The following MRPS31 variants were observed in gnomAD, a reference collection of about 807,000 sequenced individuals.
The protein encoded by MRPS31 is mitochondrial ribosomal protein S31.
MRPS31 carries 32 observed loss-of-function variants against 43.1 expected under a neutral mutation model. The observed-to-expected ratio is 0.74, with a 90% CI of 0.56 to 1.00. The LOEUF (loss-of-function observed/expected upper bound fraction) is 1.00, where lower values mean the gene tolerates loss of function less well. Ranked by LOEUF, MRPS31 falls within the 50% of genes least tolerant of loss-of-function variation. MRPS31 has a pLI of 0.00. For missense variants in MRPS31, 437 were observed against 466.7 expected, an observed-to-expected ratio of 0.94 and a Z score of 0.59; for synonymous variants, 165 against 161.6, an observed-to-expected ratio of 1.02 and a Z score of -0.16.
At chr13:40,760,231 A>G (rs1880657703) in intron 2 of MRPS31, among the ~76,000 whole-genome samples, 1 of 152,048 alleles carries the variant, frequency 6.6e-6, no homozygotes, top group Non-Finnish European at 1.5e-5. Flanking sequence ...CAAAACAGCA[A>G]TTGCCTCAGG....
chr13:40,759,531 T>C (rs2138013504), intron 2 of MRPS31, among the ~76,000 whole-genome samples: 1 of 152,334 alleles, frequency 6.6e-6, no homozygotes, highest in Middle Eastern at 3.4e-3. Context: ...GAAATGATTT[T>C]TGGAGAAAAC....
chr13:40,738,318 T>C (rs1031580593), intron 6 of MRPS31, among the ~76,000 whole-genome samples: 1 of 151,530 alleles, frequency 6.6e-6, no homozygotes, highest in African/African-American at 2.4e-5. Context: ...CCAAAAAGAG[T>C]CCAGGACCAG....
rs577302891 is a variant in MRPS31, at chr13:40,730,514, C to A, written c.959-913G>T. Among the ~76,000 whole-genome samples the A allele has an allele frequency of 3.1e-4, 47 of 152,272 alleles. No homozygotes were observed. The South Asian group carries it at 9.3e-3, about 30-fold the overall frequency. On this transcript the variant is annotated intron_variant, in intron 6 of 6. Transcript: ENST00000323563. ...CACTCCAGCCTGAACAACAGAGTGACACTCTGAATCAATCAATCAATCAAT... is the reference window on the plus strand; with the variant it reads ...CACTCCAGCCTGAACAACAGAGTGAAACTCTGAATCAATCAATCAATCAAT...
intron 4 of MRPS31, among the ~76,000 whole-genome samples, chr13:40,754,876 C>CA (rs545304428): frequency 3.8e-3 from 577 of 151,794 alleles, no homozygotes; most frequent in Non-Finnish European, 6.2e-3. Context: ...TAAAAACACA[C>CA]AAAAAAAATT....
In MRPS31 at chr13:40,729,617, A is replaced by G; in HGVS notation, c.959-16T>C. 1 of 1,417,948 alleles carries G rather than the reference A, an allele frequency of 7.1e-7. No individual in the cohort carries two copies. Among genetic ancestry groups the G allele is most frequent in the Non-Finnish European group, 1.0e-6 (1 of 1,003,306 alleles). 87.8% of individuals were successfully genotyped at this position (1,417,948 alleles called of 1,614,324 possible). A position where few individuals can be genotyped will look rare whatever the true frequency, so the allele number is the denominator to read the frequency against. On this transcript the variant is annotated splice_polypyrimidine_tract_variant and intron_variant, in intron 6 of 6. Transcript: ENST00000323563. ...TCATCAAAACCTAGGAAATGAGACC[A>G]AATACATTACATTATAATTTTAAAT...
At position 40,771,057 on chromosome 13, in the gene MRPS31, G is replaced by A; in HGVS notation, c.80C>T (p.Ser27Leu). 6.2e-7 allele frequency: 1 copy of A among 1,614,178 alleles called. No individual in the cohort carries two copies. Among genetic ancestry groups the A allele is most frequent in the Non-Finnish European group, 8.5e-7 (1 of 1,180,024 alleles). The change falls in exon 1 of 7, where the codon TCA becomes TTA. Residue 27 changes from serine (S) to leucine (L), a missense_variant. By Grantham distance (145) the Ser-to-Leu change is moderately radical. Coordinates refer to ENST00000323563, the MANE Select transcript of MRPS31 (RefSeq NM_005830.4). ...AGTGAGTAGCATAATCGCAGCCGCTGATGTCTCCGGGCTTCCAGAGGACAA... is the reference window on the plus strand; with the variant it reads ...AGTGAGTAGCATAATCGCAGCCGCTAATGTCTCCGGGCTTCCAGAGGACAA... ...HPLSSGSPET[S>L]AAAIMLLTVR... is the part of the protein sequence containing the mutation.
intron 6 of MRPS31, among the ~76,000 whole-genome samples, chr13:40,744,979 T>C (rs2138002137): frequency 6.6e-6 from 1 of 151,954 alleles, no homozygotes. Context: ...TGGAGTGCAG[T>C]GGCGAGATCT....
intron 6 of MRPS31, among the ~76,000 whole-genome samples, chr13:40,745,760 C>A (rs1035317355): frequency 6.6e-6 from 1 of 151,976 alleles, no homozygotes; most frequent in African/African-American, 2.4e-5. Context: ...AACCCCCCAA[C>A]AAATCCTCCA....
At chr13:40,765,324 GTA>G (rs1344132857) in intron 2 of MRPS31, among the ~76,000 whole-genome samples, 2 of 152,166 alleles carry the variant, frequency 1.3e-5, no homozygotes, top group African/African-American at 4.8e-5. Flanking sequence ...TCCCACACAT[GTA>G]TGTTTGCCTC....
At chr13:40,752,297 T>G (rs1880412684) in intron 5 of MRPS31, 1 of 152,310 alleles carries the variant, frequency 6.6e-6, no homozygotes, top group South Asian at 2.1e-4. Flanking sequence ...GTGCTGGGAT[T>G]ACAGGCATGA....
At chr13:40,737,586 T>A (rs563779626) in intron 6 of MRPS31, among the ~76,000 whole-genome samples, 1 of 152,286 alleles carries the variant, frequency 6.6e-6, no homozygotes, top group Admixed American at 6.5e-5. Context: ...AAACTATCTA[T>A]CTGTCAGACC....
chr13:40,759,310 G>A (rs1413449902), intron 2 of MRPS31, among the ~76,000 whole-genome samples: 5 of 152,026 alleles, frequency 3.3e-5, no homozygotes, highest in African/African-American at 7.2e-5. Flanking sequence ...GGTGGCGCAC[G>A]CCTGTAAGTG....
chr13:40,759,690 T>C (rs1270017504), intron 2 of MRPS31, among the ~76,000 whole-genome samples: 1 of 152,084 alleles, frequency 6.6e-6, no homozygotes, highest in Non-Finnish European at 1.5e-5. Context: ...GAACAATATA[T>C]TAAGGTGGAG....
intron 5 of MRPS31, among the ~76,000 whole-genome samples, chr13:40,750,742 T>TTTTA (rs1171105413): frequency 6.9e-5 from 9 of 130,850 alleles, no homozygotes; most frequent in African/African-American, 1.2e-4. Flanking sequence ...GTATCCCATT[T>TTTTA]TATATATATA....
chr13:40,758,070 G>A (rs1880584311), intron 3 of MRPS31, among the ~76,000 whole-genome samples: 1 of 151,440 alleles, frequency 6.6e-6, no homozygotes, highest in African/African-American at 2.4e-5. Context: ...GTGAACCGGG[G>A]AGGCGGAGCC....
At position 40,771,162 on chromosome 13, in the gene MRPS31, A is replaced by G; in HGVS notation, c.-26T>C. 6.3e-7 allele frequency: 1 copy of G among 1,579,652 alleles called. No individual in the cohort carries two copies. Among genetic ancestry groups the G allele is most frequent in the Non-Finnish European group, 8.6e-7 (1 of 1,160,374 alleles). On this transcript the variant is annotated 5_prime_UTR_variant, in exon 1 of 7. Coordinates refer to ENST00000323563, the MANE Select transcript of MRPS31 (RefSeq NM_005830.4). ...CGCCGAGACACGAAATGAACCAAGA[A>G]CACAACTGAAATGGTGCGTCCCGCT...
chr13:40,737,723 T>G lies in MRPS31; in HGVS notation c.959-8122A>C, dbSNP rs530508198. On this transcript the variant is annotated intron_variant, in intron 6 of 6. Transcript: ENST00000323563. The stretch of plus-strand genomic sequence containing the variant: ...AACGAAATGAAGGCAGAAATAAAGA[T>G]GTTCTTTGAAACCAACGAGAACAAA... 4.6e-5 allele frequency among the ~76,000 whole-genome samples: 7 copies of G among 152,194 alleles called. No homozygotes were observed. In the East Asian group the frequency reaches 9.7e-4, roughly 21 times the overall value.
At chr13:40,747,237 C>T (rs952859026) in intron 6 of MRPS31, among the ~76,000 whole-genome samples, 1 of 152,062 alleles carries the variant, frequency 6.6e-6, no homozygotes, top group African/African-American at 2.4e-5. Context: ...AGCCACTGTG[C>T]CCGGCCTAAT....
chr13:40,746,766 T>C (rs1242316347), intron 6 of MRPS31, among the ~76,000 whole-genome samples: 1 of 152,290 alleles, frequency 6.6e-6, no homozygotes, highest in East Asian at 1.9e-4. Flanking sequence ...AAGTAAAATT[T>C]TGAAAAATAA....
Sources: gnomAD v4.1 joint callset for allele counts (sites outside exome capture counted in the v4.1 genomes callset) on GRCh38, gnomAD v4.1.1 for gene constraint, MANE v1.5 for transcripts, NCBI Gene and HGNC (gene_info 2026-07-23, HGNC 2026-07-21) for gene names.